USH2A: variants seen among roughly 807,000 people sequenced by gnomAD.
USH2A encodes the protein usherin.
USH2A carries 443 observed loss-of-function variants against 538.9 expected under a neutral mutation model. The observed-to-expected ratio is 0.82, with a 90% CI of 0.76 to 0.89. The LOEUF (loss-of-function observed/expected upper bound fraction) is 0.89. USH2A is among the 40% of genes least tolerant of loss of function. The pLI is 0.00. For synonymous variants in USH2A, 2,413 were observed against 2,273.5 expected, an observed-to-expected ratio of 1.06 and a Z score of -1.75; for missense variants, 6,633 against 6,324.8, an observed-to-expected ratio of 1.05 and a Z score of -1.65.
chr1:216,407,018 A>G (rs949586441), intron 3 of USH2A, among the ~76,000 whole-genome samples: 2 of 152,108 alleles, frequency 1.3e-5, no homozygotes, highest in Admixed American at 6.6e-5. Context: ...CAAGGAAAAC[A>G]TGGGTCTTGA....
rs577311295 is a variant in USH2A at position 216,218,938 on chromosome 1, T to C, written c.2994-1388A>G. ...TGTAGAGTCTATTGTTTATAGGCTTTTAATATAATATTAGTGAGCATAAAC... is the reference window on the plus strand; with the variant it reads ...TGTAGAGTCTATTGTTTATAGGCTTCTAATATAATATTAGTGAGCATAAAC... On this transcript the variant is annotated intron_variant, in intron 14 of 71. Coordinates refer to ENST00000307340, the MANE Select transcript of USH2A (RefSeq NM_206933.4). Among the ~76,000 whole-genome samples the C allele has an allele frequency of 5.3e-5, 8 of 152,154 alleles. No homozygotes were observed. The Middle Eastern group carries it at 0.01, about 194-fold the overall frequency.
At chr1:215,857,768 C>A (rs142764148) in intron 44 of USH2A, among the ~76,000 whole-genome samples, 1 of 152,274 alleles carries the variant, frequency 6.6e-6, no homozygotes, top group Non-Finnish European at 1.5e-5. Flanking sequence ...AGAGGTCTCT[C>A]ATCAGTTAGT....
At chr1:216,142,734 C>T (rs1000941638) in intron 21 of USH2A, among the ~76,000 whole-genome samples, 9 of 152,098 alleles carry the variant, frequency 5.9e-5, no homozygotes, top group Non-Finnish European at 1.3e-4. Context: ...ATAATTAACC[C>T]TCTGCATTCA....
chr1:216,357,470 G>A (rs1167911777), intron 4 of USH2A, among the ~76,000 whole-genome samples: 1 of 152,076 alleles, frequency 6.6e-6, no homozygotes, highest in Admixed American at 6.6e-5. Context: ...GTAGAAATTA[G>A]AAGTAGCATT....
intron 13 of USH2A, among the ~76,000 whole-genome samples, chr1:216,242,203 A>AAG (rs397715035): frequency 4.0e-5 from 6 of 148,930 alleles, no homozygotes; most frequent in African/African-American, 1.2e-4. Context: ...AAAAAAAAAA[A>AAG]TACAAAAAAT....
intron 50 of USH2A, among the ~76,000 whole-genome samples, chr1:215,796,239 G>A (rs1395172568): frequency 1.3e-5 from 2 of 151,938 alleles, no homozygotes; most frequent in Non-Finnish European, 2.9e-5. Context: ...ATTGTGCTTT[G>A]ATTTACTGCA....
chr1:215,766,833 T>C (rs773836570), intron 55 of USH2A, 45 bp from the exon 56 acceptor site: 22 of 1,530,880 alleles, frequency 1.4e-5, no homozygotes, highest in Admixed American at 1.2e-4. Context: ...AAGAGGATTA[T>C]TTATTATCAA....
chr1:215,655,731 T>TA (rs1366319293), intron 64 of USH2A, among the ~76,000 whole-genome samples: 12 of 140,382 alleles, frequency 8.5e-5, no homozygotes, highest in African/African-American at 3.4e-4. Context: ...TATTCTTTTT[T>TA]TTTTTTTTTT....
chr1:215,776,200 A>T (rs1414079861), intron 55 of USH2A, among the ~76,000 whole-genome samples: 1 of 152,204 alleles, frequency 6.6e-6, no homozygotes, highest in Non-Finnish European at 1.5e-5. Context: ...AAGGTCTTTT[A>T]TTGACAAGCT....
chr1:216,001,679 C>A (rs529350926), intron 32 of USH2A, among the ~76,000 whole-genome samples: 1 of 152,046 alleles, frequency 6.6e-6, no homozygotes, highest in African/African-American at 2.4e-5. Flanking sequence ...TAACCATGAG[C>A]CACCACAATT....
chr1:216,026,996 T>C (rs1474878697), intron 32 of USH2A, among the ~76,000 whole-genome samples: 1 of 152,124 alleles, frequency 6.6e-6, no homozygotes, highest in Non-Finnish European at 1.5e-5. Context: ...CCTCAAAAAC[T>C]TGTGTATATA....
chr1:216,159,049 A>T (rs2102627105), intron 21 of USH2A, among the ~76,000 whole-genome samples: 1 of 152,244 alleles, frequency 6.6e-6, no homozygotes, highest in East Asian at 1.9e-4. Flanking sequence ...CTGTACATTG[A>T]CCTTTATTCG....
intron 29 of USH2A, 95 bp downstream of exon 29, chr1:216,072,793 AT>A: frequency 8.1e-7 from 1 of 1,227,242 alleles, no homozygotes. Context: ...CTACAAAAAT[AT>A]TACTGCTTCA....
intron 55 of USH2A, among the ~76,000 whole-genome samples, chr1:215,768,394 G>A (rs2102749570): frequency 6.6e-6 from 1 of 152,360 alleles, no homozygotes; most frequent in East Asian, 1.9e-4. Context: ...AATGAGAGCA[G>A]TAGTCTGGGT....
chr1:216,137,147 T>C (rs1366571555), intron 21 of USH2A, among the ~76,000 whole-genome samples: 2 of 152,164 alleles, frequency 1.3e-5, no homozygotes, highest in African/African-American at 2.4e-5. Context: ...TGACTTAAAA[T>C]TGCTGACCCA....
intron 60 of USH2A, among the ~76,000 whole-genome samples, chr1:215,728,799 G>T (rs1659907482): frequency 6.6e-6 from 1 of 152,116 alleles, no homozygotes; most frequent in African/African-American, 2.4e-5. Flanking sequence ...TAAAAATACA[G>T]AAGCATATAT....
chr1:216,103,881 T>C (rs971548273), intron 21 of USH2A, among the ~76,000 whole-genome samples: 2 of 152,050 alleles, frequency 1.3e-5, no homozygotes, highest in Non-Finnish European at 2.9e-5. Flanking sequence ...CTCACTAGAA[T>C]TGGTCAAATT....
chr1:215,851,958 T>C (rs1229106878), intron 44 of USH2A, among the ~76,000 whole-genome samples: 6 of 152,146 alleles, frequency 3.9e-5, no homozygotes, highest in Admixed American at 1.3e-4. Context: ...TCTCAATCAA[T>C]GCAGAGAAAG....
chr1:215,760,848 A>G (rs1660961318), intron 56 of USH2A, among the ~76,000 whole-genome samples: 2 of 152,198 alleles, frequency 1.3e-5, no homozygotes, highest in Non-Finnish European at 2.9e-5. Context: ...CATAGCTTCT[A>G]AACTTGCCTC....
Sources: gnomAD v4.1 joint callset for allele counts (sites outside exome capture counted in the v4.1 genomes callset) on GRCh38, gnomAD v4.1.1 for gene constraint, MANE v1.5 for transcripts, NCBI Gene and HGNC (gene_info 2026-07-23, HGNC 2026-07-21) for gene names.